The following DHX29 variants were observed in gnomAD, a reference collection of about 807,000 sequenced individuals.
DHX29 encodes the protein DExH-box helicase 29.
Under a neutral mutation model 167.9 loss-of-function variants are expected in DHX29, and 79 were observed. The observed-to-expected ratio is 0.47, with a 90% CI of 0.39 to 0.57. The LOEUF is 0.57. Among genes scored for constraint, DHX29 ranks in the 20% least tolerant of loss-of-function variants. DHX29 has a pLI of 0.00. For missense variants in DHX29, 1,347 were observed against 1,593.4 expected (o/e 0.85, Z 2.63); for synonymous variants, 530 against 546.0 (o/e 0.97, Z 0.41).
chr5:55,307,618 G>C lies in DHX29; in HGVS notation c.-45C>G, dbSNP rs1361934132. ...ATCCTTCGCGGCCCAGGCCCCGACGGTACCACTGCACAGCCGAGAGCTCTT... is the reference window on the plus strand; with the variant it reads ...ATCCTTCGCGGCCCAGGCCCCGACGCTACCACTGCACAGCCGAGAGCTCTT... On this transcript the variant is annotated 5_prime_UTR_variant, in exon 1 of 27. Coordinates refer to ENST00000251636, the MANE Select transcript of DHX29 (RefSeq NM_019030.4). 6.2e-7 allele frequency: 1 copy of C among 1,605,722 alleles called. No homozygotes were observed. Among genetic ancestry groups the C allele is most frequent in the Non-Finnish European group, 8.5e-7 (1 of 1,176,908 alleles).
In DHX29 at chr5:55,262,638, G is replaced by A; in HGVS notation, c.3820C>T (p.Gln1274Ter). 6 of 1,613,830 alleles carry A rather than the reference G, an allele frequency of 3.7e-6. No individual in the cohort carries two copies. Among genetic ancestry groups the A allele is most frequent in the Non-Finnish European group, 3.4e-6 (4 of 1,179,838 alleles). The change falls in exon 24 of 27, where the codon CAG (glutamine) becomes TAG (stop). Residue 1274 changes from glutamine to a stop codon, truncating the protein, a stop_gained. Transcript: ENST00000251636. LOFTEE classifies it high-confidence loss of function. ...DLQTHGWLLY[Q>*]EKIRYARVYL... ...AGGAATGAGTACTTCACCTTCTCCT[G>A]GTATAAGAGCCATCCATGAGTTTGC... is the stretch of plus-strand genomic sequence containing the variant.
At chr5:55,272,222 T>C (rs1004881071) in intron 17 of DHX29, 47 bp from the exon 18 acceptor site, 1 of 1,107,232 alleles carries the variant, frequency 9.0e-7, no homozygotes. Context: ...CTTTCATGAA[T>C]GTATCATTAT....
intron 26 of DHX29, among the ~76,000 whole-genome samples, chr5:55,258,934 A>C (rs1316285018): frequency 1.3e-5 from 2 of 152,222 alleles, no homozygotes; most frequent in Non-Finnish European, 2.9e-5. Context: ...ACATGGTGGA[A>C]AAACCATGCT....
In DHX29 at chr5:55,267,251, AT is replaced by A; in HGVS notation, c.3432-21del. On this transcript the variant is annotated intron_variant, in intron 22 of 26. Coordinates refer to ENST00000251636, the MANE Select transcript of DHX29 (RefSeq NM_019030.4). The stretch of plus-strand genomic sequence containing the variant: ...TTCCATCTAGATAAATAAAATGTCA[AT>A]TAATGAATAAAGTTCACCATGTTCT... 1 of 1,564,560 alleles carries A rather than the reference AT, an allele frequency of 6.4e-7. No individual in the cohort carries two copies. Among genetic ancestry groups the A allele is most frequent in the Non-Finnish European group, 8.8e-7 (1 of 1,137,208 alleles).
rs565202621 is a variant in DHX29, at chr5:55,269,285, C to T, written c.3294+128G>A. 158 of 823,634 alleles carry T rather than the reference C, an allele frequency of 1.9e-4. 2 individuals are homozygous for T. In the South Asian group the frequency reaches 2.8e-3, roughly 15 times the overall value. The allele number at this position is 823,634 out of a possible 1,614,324, so 51.0% of individuals were successfully genotyped here. On this transcript the variant is annotated intron_variant, in intron 21 of 26. Transcript: ENST00000251636. ...AAAAATTCAAGCATTCAGGCCCTCT[C>T]GGTTTTAATGTTCGTATAGACATTC... is the stretch of plus-strand genomic sequence containing the variant.
chr5:55,267,599 C>T lies in DHX29; in HGVS notation c.3431+87G>A, dbSNP rs1460602156. 7 of 1,226,016 alleles carry T rather than the reference C, an allele frequency of 5.7e-6. No individual in the cohort carries two copies. In the East Asian group the frequency reaches 7.9e-5, roughly 14 times the overall value. 75.9% of individuals were successfully genotyped at this position (1,226,016 alleles called of 1,614,324 possible). A position where few individuals can be genotyped will look rare whatever the true frequency, so the allele number is the denominator to read the frequency against. ...AAAATAAATTTAAACCTCAGAAGTA[C>T]AATTTTAATAAGTCAAAGGTAATAT... On this transcript the variant is annotated intron_variant, in intron 22 of 26. Transcript: ENST00000251636.
intron 1 of DHX29, among the ~76,000 whole-genome samples, chr5:55,301,713 C>CA (rs70992777): frequency 0.029 from 1,869 of 63,536 alleles, 28 homozygotes; most frequent in African/African-American, 0.038. Flanking sequence ...AACTCCATCT[C>CA]AAAAAAAAAA....
rs1195171359 is a variant in DHX29 at position 55,283,705 on chromosome 5, C to T, written c.1463G>A (p.Arg488His). The T allele has an allele frequency of 1.9e-6, 3 of 1,613,986 alleles. No individual in the cohort carries two copies. The highest frequency in any genetic ancestry group is 2.2e-5 in the East Asian group (1 of 44,878). The stretch of plus-strand genomic sequence containing the variant: ...CAGAAGTTTGGCAATAAAAAGATCA[C>T]GTGGTTTATTGGTTTCCATTTTATT... ...ELNKMETNKPRDLFIAKLLNK... is the reference protein window; with the variant it reads ...ELNKMETNKPHDLFIAKLLNK... The change falls in exon 11 of 27, where the codon CGT becomes CAT. Residue 488 changes from arginine to histidine, a missense_variant. Arg to His is a conservative substitution (Grantham distance 29). This residue lies in a region of DHX29 where 882 missense variants were observed against 1,082.4 expected (regional missense o/e 0.81). Coordinates refer to ENST00000251636, the MANE Select transcript of DHX29 (RefSeq NM_019030.4).
At chr5:55,265,635 G>A (rs921138439) in intron 23 of DHX29, among the ~76,000 whole-genome samples, 1 of 148,642 alleles carries the variant, frequency 6.7e-6, no homozygotes, top group Admixed American at 6.8e-5. Context: ...AATTTAAAGT[G>A]TGGGCCTTGT....
In DHX29 at chr5:55,273,306, G is replaced by A; in HGVS notation, c.2762C>T (p.Pro921Leu). The A allele has an allele frequency of 6.3e-7, 1 of 1,597,594 alleles. No homozygotes were observed. The highest frequency in any genetic ancestry group is 8.6e-7 in the Non-Finnish European group (1 of 1,169,346). Residue 921 changes from proline (P) to leucine (L), a missense_variant, in exon 17 of 27, where the codon CCA (proline) becomes CTA (leucine). Pro to Leu is a moderately conservative substitution (Grantham distance 98). This residue lies in a region of DHX29 where 882 missense variants were observed against 1,082.4 expected (regional missense o/e 0.81). Coordinates refer to ENST00000251636, the MANE Select transcript of DHX29 (RefSeq NM_019030.4). The part of the protein sequence containing the change: ...DQAAAFTLPP[P>L]GVRKIVLATN... ...ACTAAATTTTACCTTCCTGACTCCT[G>A]GAGGGGGAAGTGTGAATGCTGCAGC...
chr5:55,307,318 A>C, intron 1 of DHX29, 69 bp downstream of exon 1: 1 of 1,377,858 alleles, frequency 7.3e-7, no homozygotes, highest in Non-Finnish European at 1.0e-6. Flanking sequence ...CCGGGTTCTA[A>C]GGCCCTTTCC....
rs751739651 is a variant in DHX29, at chr5:55,297,248, A to G, written c.375+37T>C. 4 of 974,140 alleles carry G rather than the reference A, an allele frequency of 4.1e-6. No homozygotes were observed. The East Asian group carries it at 9.6e-5, about 23-fold the overall frequency. 60.3% of individuals were successfully genotyped at this position (974,140 alleles called of 1,614,324 possible). A position where few individuals can be genotyped will look rare whatever the true frequency, so the allele number is the denominator to read the frequency against. ...ATGAGGAGCTGTCTAAAAATGCTTC[A>G]CTAAAACTAAGGAACTTTAAAAAGT... On this transcript the variant is annotated intron_variant, in intron 3 of 26. Coordinates refer to ENST00000251636, the MANE Select transcript of DHX29 (RefSeq NM_019030.4).
chr5:55,296,849 TCTA>T (rs1163343547), intron 3 of DHX29, among the ~76,000 whole-genome samples: 1 of 152,194 alleles, frequency 6.6e-6, no homozygotes, highest in Non-Finnish European at 1.5e-5. Flanking sequence ...TAACATACTT[TCTA>T]AAGCATAATC....
chr5:55,280,471 A>T (rs1747346695), intron 12 of DHX29, among the ~76,000 whole-genome samples: 1 of 152,188 alleles, frequency 6.6e-6, no homozygotes, highest in Non-Finnish European at 1.5e-5. Flanking sequence ...AAGAAAAAAA[A>T]ATTAGCATTT....
intron 5 of DHX29, among the ~76,000 whole-genome samples, chr5:55,294,437 G>A (rs1020284585): frequency 2.0e-5 from 3 of 152,232 alleles, no homozygotes; most frequent in African/African-American, 7.2e-5. Flanking sequence ...CACTTCGGGA[G>A]GCCAAAGCGG....
intron 8 of DHX29, among the ~76,000 whole-genome samples, chr5:55,287,612 C>T (rs1276997977): frequency 6.6e-6 from 1 of 151,882 alleles, no homozygotes; most frequent in Non-Finnish European, 1.5e-5. Flanking sequence ...AACTAAAAAA[C>T]TTCTACAGTT....
At chr5:55,287,491 T>C (rs1183716079) in intron 8 of DHX29, among the ~76,000 whole-genome samples, 7 of 152,020 alleles carry the variant, frequency 4.6e-5, no homozygotes, top group Non-Finnish European at 1.5e-5. Flanking sequence ...AATGAATAAT[T>C]TAAAAAACTG....
chr5:55,295,254 G>C, intron 5 of DHX29, 125 bp downstream of exon 5: 2 of 751,540 alleles, frequency 2.7e-6, no homozygotes, highest in Non-Finnish European at 4.2e-6. Flanking sequence ...GAAAAGTCTA[G>C]CAAACCAATT....
intron 16 of DHX29, among the ~76,000 whole-genome samples, chr5:55,274,022 G>T (rs145234384): frequency 6.6e-6 from 1 of 151,530 alleles, no homozygotes; most frequent in Non-Finnish European, 1.5e-5. Flanking sequence ...CGGAGGCAGA[G>T]GTTGCAGTAA....
Sources: gnomAD v4.1 joint callset for allele counts (sites outside exome capture counted in the v4.1 genomes callset) on GRCh38, gnomAD v4.1.1 for gene constraint, gnomAD v4.1.1 regional missense constraint, MANE v1.5 for transcripts, NCBI Gene and HGNC (gene_info 2026-07-23, HGNC 2026-07-21) for gene names.